Variants in GALNT1 observed in about 807,000 individuals in gnomAD.
GALNT1 encodes GalNAc transferase 1.
Under a neutral mutation model 65.7 loss-of-function variants are expected in GALNT1, and 17 were observed. That is an observed-to-expected ratio of 0.26 (90% CI 0.18 to 0.39). The LOEUF (loss-of-function observed/expected upper bound fraction) is 0.39. GALNT1 is among the 10% of genes least tolerant of loss of function. The pLI is 1.00. For synonymous variants in GALNT1, 210 were observed against 219.7 expected (o/e 0.96, Z 0.39); for missense variants, 460 against 672.8 (o/e 0.68, Z 3.50).
intron 3 of GALNT1, among the ~76,000 whole-genome samples, chr18:35,666,024 G>A (rs775186209): frequency 5.9e-5 from 9 of 152,156 alleles, no homozygotes; most frequent in Non-Finnish European, 1.0e-4. Context: ...CCCAGATGGA[G>A]CCAGTGAGAA....
At chr18:35,594,386 A>G (rs1016377652) in intron 1 of GALNT1, among the ~76,000 whole-genome samples, 3 of 152,110 alleles carry the variant, frequency 2.0e-5, no homozygotes, top group Non-Finnish European at 2.9e-5. Context: ...GGCAAGGACT[A>G]TGTTGGCTGG....
intron 9 of GALNT1, among the ~76,000 whole-genome samples, chr18:35,699,965 ATGTT>A (rs1050622204): frequency 1.3e-5 from 2 of 152,086 alleles, no homozygotes; most frequent in Non-Finnish European, 2.9e-5. Flanking sequence ...TCCCTAGAAA[ATGTT>A]TGTTCCTCAT....
intron 6 of GALNT1, 112 bp from the exon 7 acceptor site, chr18:35,689,061 A>C: frequency 1.4e-6 from 1 of 739,670 alleles, no homozygotes; most frequent in African/African-American, 1.8e-5. Flanking sequence ...GAAGAGTGTG[A>C]GAATAAGTAC....
chr18:35,686,873 C>G, intron 5 of GALNT1, 143 bp from the exon 6 acceptor site: 1 of 684,830 alleles, frequency 1.5e-6, no homozygotes, highest in Non-Finnish European at 2.3e-6. Flanking sequence ...CTACTGCATT[C>G]CAGCCTGGGT....
intron 3 of GALNT1, among the ~76,000 whole-genome samples, chr18:35,670,905 A>G (rs2047624995): frequency 6.6e-6 from 1 of 152,206 alleles, no homozygotes; most frequent in Non-Finnish European, 1.5e-5. Context: ...CGCTGGGTCA[A>G]CTTGATATAA....
rs2047507816 is a variant in GALNT1, at chr18:35,663,693, A to G, written c.205A>G (p.Lys69Glu). The change falls in exon 3 of 12, where the codon AAA becomes GAA. Residue 69 changes from lysine to glutamate, a missense_variant. Physicochemically the swap from Lys to Glu is moderately conservative, Grantham distance 56. Transcript: ENST00000269195. ...GEMGKPVVIPKEDQEKMKEMF... is the reference protein window; with the variant it reads ...GEMGKPVVIPEEDQEKMKEMF... ...AATGGGGAAACCAGTCGTCATTCCT[A>G]AAGAGGATCAAGAAAAGATGAAAGA... The G allele has an allele frequency of 6.2e-7, 1 of 1,613,934 alleles. No individual in the cohort carries two copies. Among genetic ancestry groups the G allele is most frequent in the African/African-American group, 1.3e-5 (1 of 74,936 alleles).
At chr18:35,670,694 T>C (rs538035867) in intron 3 of GALNT1, among the ~76,000 whole-genome samples, 2 of 152,240 alleles carry the variant, frequency 1.3e-5, no homozygotes, top group African/African-American at 2.4e-5. Context: ...GACATTCTTA[T>C]AGAATTATTA....
chr18:35,699,418 C>T (rs1000017140), intron 9 of GALNT1, among the ~76,000 whole-genome samples: 6 of 152,182 alleles, frequency 3.9e-5, no homozygotes, highest in African/African-American at 1.4e-4. Flanking sequence ...CTGATGACTA[C>T]TGAATATGTT....
chr18:35,666,197 A>G (rs1431681923), intron 3 of GALNT1, among the ~76,000 whole-genome samples: 1 of 152,240 alleles, frequency 6.6e-6, no homozygotes, highest in Admixed American at 6.5e-5. Context: ...GAAAACTTTA[A>G]AAAAATTGTT....
chr18:35,581,455 T>TC (rs2046311878), upstream of GALNT1, among the ~76,000 whole-genome samples: 2 of 145,020 alleles, frequency 1.4e-5, no homozygotes, highest in African/African-American at 5.0e-5. Context: ...CGCCCCCGCC[T>TC]CCCCCGCGCA....
At chr18:35,610,435 C>T (rs1290769823) in intron 1 of GALNT1, among the ~76,000 whole-genome samples, 1 of 152,174 alleles carries the variant, frequency 6.6e-6, no homozygotes, top group Non-Finnish European at 1.5e-5. Flanking sequence ...TTGTCTGTGT[C>T]CTAGTGCTTT....
chr18:35,672,042 A>G (rs2047644719), intron 3 of GALNT1, among the ~76,000 whole-genome samples: 2 of 152,190 alleles, frequency 1.3e-5, no homozygotes, highest in South Asian at 4.1e-4. Context: ...TAATATCTTG[A>G]TAGTGGCAAA....
chr18:35,615,027 G>C (rs1414241675), intron 1 of GALNT1, among the ~76,000 whole-genome samples: 2 of 151,918 alleles, frequency 1.3e-5, no homozygotes, highest in African/African-American at 4.8e-5. Context: ...CAATTAATCT[G>C]TCTTTAATAT....
rs749317275 is a variant in GALNT1, at chr18:35,691,180, A to G, written c.1147A>G (p.Ile383Val). ...GGATGAATTCAAGAATTTCTTCTAT[A>G]TAATTTCTCCAGGTTAGCGTTGTTT... ...WMDEFKNFFY[I>V]ISPGVTKVDY... Residue 383 changes from isoleucine (I) to valine (V), a missense_variant, in exon 8 of 12, where the codon ATA (isoleucine) becomes GTA (valine). Ile to Val is a conservative substitution (Grantham distance 29). Coordinates refer to ENST00000269195, the MANE Select transcript of GALNT1 (RefSeq NM_020474.4). 3.7e-6 allele frequency: 6 copies of G among 1,603,874 alleles called. No homozygotes were observed. The highest frequency in any genetic ancestry group is 1.3e-5 in the African/African-American group (1 of 74,164).
At chr18:35,600,371 G>T (rs1273974677) in intron 1 of GALNT1, among the ~76,000 whole-genome samples, 2 of 152,060 alleles carry the variant, frequency 1.3e-5, no homozygotes, top group African/African-American at 2.4e-5. Context: ...GTTGTTGATT[G>T]TGTATTCTGC....
intron 3 of GALNT1, among the ~76,000 whole-genome samples, chr18:35,671,460 T>A (rs191292103): frequency 2.0e-5 from 3 of 152,328 alleles, no homozygotes; most frequent in Admixed American, 6.5e-5. Flanking sequence ...AAATTTAATC[T>A]TTGGTTTTTA....
chr18:35,619,499 A>T (rs1202218455), intron 1 of GALNT1, among the ~76,000 whole-genome samples: 2 of 152,042 alleles, frequency 1.3e-5, no homozygotes, highest in Non-Finnish European at 2.9e-5. Context: ...ATACAGGAGG[A>T]AAAGTATGGC....
intron 2 of GALNT1, among the ~76,000 whole-genome samples, chr18:35,661,072 C>T (rs1454185248): frequency 6.6e-6 from 1 of 151,976 alleles, no homozygotes; most frequent in African/African-American, 2.4e-5. Context: ...CTTTAAGCTT[C>T]TGGTTATATA....
intron 1 of GALNT1, among the ~76,000 whole-genome samples, chr18:35,627,948 C>T (rs975205538): frequency 6.6e-5 from 9 of 135,502 alleles, no homozygotes; most frequent in East Asian, 4.0e-4. Flanking sequence ...GAGGGTCCTA[C>T]GCCCACGGAG....
Sources: gnomAD v4.1 joint callset for allele counts (sites outside exome capture counted in the v4.1 genomes callset) on GRCh38, gnomAD v4.1.1 for gene constraint, MANE v1.5 for transcripts, NCBI Gene and HGNC (gene_info 2026-07-23, HGNC 2026-07-21) for gene names.